The following INPP5A variants were observed in gnomAD, a reference collection of about 807,000 sequenced individuals.
INPP5A encodes the protein 43 kDa inositol polyphosphate 5-phophatase.
A neutral mutation model predicts 65.2 loss-of-function variants in INPP5A; 14 were observed. The observed-to-expected ratio is 0.21, with a 90% CI of 0.14 to 0.34. The LOEUF is 0.34. Among genes scored for constraint, INPP5A ranks in the 10% least tolerant of loss-of-function variants. The pLI is 1.00. For missense variants in INPP5A, 431 were observed against 545.6 expected, an observed-to-expected ratio of 0.79 and a Z score of 2.09; for synonymous variants, 207 against 208.3, an observed-to-expected ratio of 0.99 and a Z score of 0.05.
chr10:132,542,019 C>A lies in INPP5A; in HGVS notation c.75+3848C>A, dbSNP rs185622830. Among the ~76,000 whole-genome samples the A allele has an allele frequency of 9.8e-4, 149 of 152,326 alleles. 1 individual carries two copies. The highest frequency in any genetic ancestry group is 3.5e-3 in the African/African-American group (144 of 41,564). On this transcript the variant is annotated intron_variant, in intron 1 of 15. Transcript: ENST00000368594. Reference sequence around the variant, plus strand: ...TGCTTTGATGTGGCTGGTTTTTTGACAAGTGAGGTTTCTGGCTTTTGGTTC... The same window carrying A: ...TGCTTTGATGTGGCTGGTTTTTTGAAAAGTGAGGTTTCTGGCTTTTGGTTC...
rs1349559751 is a variant in INPP5A at position 132,704,086 on chromosome 10, C to G, written c.475-4227C>G. On this transcript the variant is annotated intron_variant, in intron 6 of 15. Coordinates refer to ENST00000368594, the MANE Select transcript of INPP5A (RefSeq NM_005539.5). This position sits in a 1 kb window ranked among gnomAD's most constrained non-coding sequence, Gnocchi z 4.5. ...ATGGGTTCTGAAGGCTTGGCCTGAT[C>G]TCTGCTGCAGCATCTGGTTCCCAAA... Among the ~76,000 whole-genome samples, 2 of 151,956 alleles carry G rather than the reference C, an allele frequency of 1.3e-5. No homozygotes were observed. The highest frequency in any genetic ancestry group is 1.3e-4 in the Admixed American group (2 of 15,258).
chr10:132,572,948 T>G (rs2071364664), intron 1 of INPP5A, among the ~76,000 whole-genome samples: 1 of 152,170 alleles, frequency 6.6e-6, no homozygotes. Context: ...ACTGAGGTTT[T>G]GTTGAGATGT....
chr10:132,680,902 G>A (rs984054541), intron 4 of INPP5A, among the ~76,000 whole-genome samples: 6 of 152,234 alleles, frequency 3.9e-5, no homozygotes, highest in African/African-American at 1.2e-4. Context: ...GGCAGGGCTC[G>A]GGACCTGCAG....
chr10:132,776,070 G>C (rs553197201), intron 12 of INPP5A, among the ~76,000 whole-genome samples: 49 of 152,238 alleles, frequency 3.2e-4, no homozygotes, highest in African/African-American at 1.2e-3. Context: ...TTCCACTCGT[G>C]TCCGCGGTTG....
intron 8 of INPP5A, among the ~76,000 whole-genome samples, chr10:132,720,138 G>A (rs141513001): frequency 0.027 from 3,991 of 146,170 alleles, 9 homozygotes; most frequent in African/African-American, 0.097. Flanking sequence ...CACCTTAGAT[G>A]GCTGTCTTCA....
chr10:132,634,773 T>C (rs112055585), intron 2 of INPP5A, among the ~76,000 whole-genome samples: 1 of 152,278 alleles, frequency 6.6e-6, no homozygotes, highest in Admixed American at 6.5e-5. Flanking sequence ...GTCCAATGAA[T>C]GTTGCCGCCA....
intron 8 of INPP5A, among the ~76,000 whole-genome samples, chr10:132,714,239 CGGCGCGCTCAGCCA>C (rs1349393866): frequency 6.6e-6 from 1 of 152,188 alleles, no homozygotes; most frequent in Non-Finnish European, 1.5e-5. Flanking sequence ...ATGGCTCCTG[CGGCGCGCTCAGCCA>C]GCCGCAGATC....
At chr10:132,766,330 A>G (rs1052922132) in intron 12 of INPP5A, among the ~76,000 whole-genome samples, 3 of 152,240 alleles carry the variant, frequency 2.0e-5, no homozygotes, top group Non-Finnish European at 4.4e-5. Flanking sequence ...CCAATATGCA[A>G]AATACTTTCT....
At chr10:132,588,935 G>A (rs1438989556) in intron 1 of INPP5A, among the ~76,000 whole-genome samples, 2 of 149,230 alleles carry the variant, frequency 1.3e-5, no homozygotes, top group Non-Finnish European at 3.0e-5. Flanking sequence ...GGTGTGTGTC[G>A]CCATCGCTGG....
intron 8 of INPP5A, among the ~76,000 whole-genome samples, chr10:132,722,999 G>A (rs998397510): frequency 1.9e-4 from 29 of 152,308 alleles, no homozygotes; most frequent in Non-Finnish European, 4.0e-4. Flanking sequence ...TGCCTCGGCC[G>A]TGACAGCCCC....
chr10:132,572,594 C>G (rs2071359403), intron 1 of INPP5A, among the ~76,000 whole-genome samples: 1 of 152,144 alleles, frequency 6.6e-6, no homozygotes, highest in Admixed American at 6.5e-5. Flanking sequence ...GCCGTTTGCT[C>G]TTTTTCATGT....
intron 3 of INPP5A, among the ~76,000 whole-genome samples, chr10:132,647,241 G>A (rs2072509774): frequency 6.6e-6 from 1 of 151,634 alleles, no homozygotes; most frequent in Non-Finnish European, 1.5e-5. Flanking sequence ...TCAGCCTCCC[G>A]AGTAGCTGGG....
At chr10:132,780,749 C>T in intron 13 of INPP5A, 100 bp from the exon 14 acceptor site, 1 of 961,270 alleles carries the variant, frequency 1.0e-6, no homozygotes, top group Non-Finnish European at 1.7e-6. Context: ...ATCCCCATCT[C>T]TCTGCCCCCA....
At chr10:132,670,422 G>A (rs1195530015) in intron 4 of INPP5A, among the ~76,000 whole-genome samples, 4 of 43,884 alleles carry the variant, frequency 9.1e-5, no homozygotes, top group South Asian at 1.1e-3. Context: ...CCCAGAACCC[G>A]CACCTGACCC....
rs73395331 is a variant in INPP5A at position 132,546,363 on chromosome 10, C to T, written c.75+8192C>T. The stretch of plus-strand genomic sequence containing the variant: ...GGTTTTTCCCCGTTGTGAGTGAGAA[C>T]AGCCCCACCTCCAGGAGCATGGCCT... On this transcript the variant is annotated intron_variant, in intron 1 of 15. Coordinates refer to ENST00000368594, the MANE Select transcript of INPP5A (RefSeq NM_005539.5). This position sits in a 1 kb window ranked among gnomAD's most constrained non-coding sequence, Gnocchi z 5.7. Among the ~76,000 whole-genome samples, 455 of 152,236 alleles carry T rather than the reference C, an allele frequency of 3.0e-3. 1 individual carries two copies. Among genetic ancestry groups the T allele is most frequent in the African/African-American group, 0.01 (435 of 41,534 alleles).
At chr10:132,775,101 C>G (rs181361026) in intron 12 of INPP5A, among the ~76,000 whole-genome samples, 6 of 1,216 alleles carry the variant, frequency 4.9e-3, no homozygotes, top group Admixed American at 0.017. Flanking sequence ...GGAGGAGAGA[C>G]AGGCAGGGAG....
Position 132,627,503 on chromosome 10 carries a change from C to T in INPP5A, c.118-18365C>T, listed in dbSNP as rs1431617753. 6.6e-6 allele frequency among the ~76,000 whole-genome samples: 1 copy of T among 152,202 alleles called. No individual in the cohort carries two copies. Among genetic ancestry groups the T allele is most frequent in the Admixed American group, 6.5e-5 (1 of 15,284 alleles). On this transcript the variant is annotated intron_variant, in intron 2 of 15. Transcript: ENST00000368594. The surrounding 1 kb of genome is among the most constrained non-coding windows in gnomAD (Gnocchi z 6.6). ...GCTGCCTCGTCCAGCAGCGTCCCTG[C>T]CAGAAGTGGGTGCTTTGAGGGCCAG... is the stretch of plus-strand genomic sequence containing the variant.
At chr10:132,628,471 G>C (rs867038939) in intron 2 of INPP5A, among the ~76,000 whole-genome samples, 20 of 150,922 alleles carry the variant, frequency 1.3e-4, no homozygotes, top group Admixed American at 3.3e-4. Context: ...GGCGGGGGGG[G>C]GGGGGGGCGT....
Position 132,698,733 on chromosome 10 carries a change from G to A in INPP5A, c.474+814G>A, listed in dbSNP as rs537036041. ...CTGGCAGCTGGACGCAGGTTTGGGG[G>A]CGTCCAGGCTGTGATATAGGAGCTC... On this transcript the variant is annotated intron_variant, in intron 6 of 15. Transcript: ENST00000368594. This position sits in a 1 kb window ranked among gnomAD's most constrained non-coding sequence, Gnocchi z 5.5. 2.0e-5 allele frequency among the ~76,000 whole-genome samples: 3 copies of A among 152,324 alleles called. No individual in the cohort carries two copies. The highest frequency in any genetic ancestry group is 3.9e-4 in the East Asian group (2 of 5,180).
Sources: allele counts gnomAD v4.1 joint callset (sites outside exome capture counted in the v4.1 genomes callset), GRCh38; gene constraint gnomAD v4.1.1; non-coding constraint Gnocchi (gnomAD v3.1); transcripts MANE v1.5; gene names NCBI Gene and HGNC (gene_info 2026-07-23, HGNC 2026-07-21).